RBFOX1: variants seen among roughly 807,000 people sequenced by gnomAD.
RBFOX1 encodes RNA binding protein fox-1 homolog 1.
Under a neutral mutation model 57.7 loss-of-function variants are expected in RBFOX1, and 8 were observed. The observed-to-expected ratio is 0.14, with a 90% CI of 0.08 to 0.25. RBFOX1 has a LOEUF of 0.25. Ranked by LOEUF, RBFOX1 falls within the 10% of genes least tolerant of loss-of-function variation. The pLI is 1.00. For missense variants in RBFOX1, 611 were observed against 548.5 expected (o/e 1.11, Z -1.14); for synonymous variants, 326 against 222.4 (o/e 1.47, Z -4.15).
chr16:7,648,202 A>G (rs763453295), intron 11 of RBFOX1, among the ~76,000 whole-genome samples: 15 of 152,244 alleles, frequency 9.9e-5, no homozygotes, highest in Middle Eastern at 3.4e-3. Flanking sequence ...TAAACCAACA[A>G]TTGAGGAAAA....
chr16:6,449,968 C>A (rs1378975726), intron 2 of RBFOX1, among the ~76,000 whole-genome samples: 1 of 152,176 alleles, frequency 6.6e-6, no homozygotes, highest in Non-Finnish European at 1.5e-5. Flanking sequence ...GAGCTGTGTG[C>A]ATGGAGTGGA....
intron 2 of RBFOX1, among the ~76,000 whole-genome samples, chr16:5,521,192 G>A (rs1272533005): frequency 2.6e-5 from 4 of 152,122 alleles, no homozygotes; most frequent in Non-Finnish European, 5.9e-5. Context: ...AGGAGTCACA[G>A]AGCTGGTTGA....
intron 2 of RBFOX1, among the ~76,000 whole-genome samples, chr16:6,631,713 G>C (rs912400250): frequency 3.3e-5 from 5 of 152,130 alleles, no homozygotes; most frequent in East Asian, 1.9e-4. Flanking sequence ...ATTGCTGGCT[G>C]GGGGAAGAGC....
intron 3 of RBFOX1, among the ~76,000 whole-genome samples, chr16:5,741,926 A>G (rs2052781952): frequency 6.6e-6 from 1 of 152,260 alleles, no homozygotes; most frequent in Non-Finnish European, 1.5e-5. Context: ...TAGTTCCAGT[A>G]TGTAGGGATG....
intron 1 of RBFOX1, among the ~76,000 whole-genome samples, chr16:6,034,363 GAA>G (rs1414703446): frequency 9.2e-6 from 1 of 108,236 alleles, no homozygotes; most frequent in Non-Finnish European, 1.9e-5. Flanking sequence ...AAAAAGAAAA[GAA>G]AAGAAAAGAA....
intron 14 of RBFOX1, among the ~76,000 whole-genome samples, chr16:7,687,349 ATAAAT>A (rs1182770084): frequency 6.6e-6 from 1 of 152,036 alleles, no homozygotes; most frequent in Non-Finnish European, 1.5e-5. Context: ...AAACTGAAAT[ATAAAT>A]TAGATTATGA....
At chr16:7,564,006 C>T (rs1460548024) in intron 5 of RBFOX1, among the ~76,000 whole-genome samples, 7 of 152,114 alleles carry the variant, frequency 4.6e-5, no homozygotes, top group Non-Finnish European at 7.3e-5. Context: ...AACAATGCTT[C>T]TTTAAGTGCA....
At chr16:6,030,630 A>G (rs1254257466) in intron 1 of RBFOX1, among the ~76,000 whole-genome samples, 1 of 152,232 alleles carries the variant, frequency 6.6e-6, no homozygotes, top group African/African-American at 2.4e-5. Flanking sequence ...ATTGAAAGGT[A>G]TACATAAATT....
intron 2 of RBFOX1, among the ~76,000 whole-genome samples, chr16:5,583,078 G>A (rs561734904): frequency 1.6e-4 from 25 of 152,330 alleles, no homozygotes; most frequent in African/African-American, 5.5e-4. Context: ...GCTAGGGAGA[G>A]GTTGAGCCTG....
At chr16:6,174,227 G>A (rs1192544231) in intron 1 of RBFOX1, among the ~76,000 whole-genome samples, 1 of 152,130 alleles carries the variant, frequency 6.6e-6, no homozygotes, top group African/African-American at 2.4e-5. Flanking sequence ...GTGGAGAGGA[G>A]GCAAGATCAA....
At chr16:5,661,874 C>T (rs558052901) in intron 3 of RBFOX1, among the ~76,000 whole-genome samples, 4 of 150,684 alleles carry the variant, frequency 2.7e-5, no homozygotes, top group African/African-American at 9.8e-5. Context: ...CAACCTCCAC[C>T]TCCTGGGGTC....
intron 2 of RBFOX1, among the ~76,000 whole-genome samples, chr16:6,431,683 G>C (rs983212170): frequency 6.6e-6 from 1 of 152,088 alleles, no homozygotes; most frequent in African/African-American, 2.4e-5. Context: ...GTCTGAATAT[G>C]ATGGGAAGCC....
At chr16:5,441,951 G>A (rs2068097965) in intron 1 of RBFOX1, among the ~76,000 whole-genome samples, 1 of 152,152 alleles carries the variant, frequency 6.6e-6, no homozygotes, top group Non-Finnish European at 1.5e-5. Flanking sequence ...TTCAAGATGA[G>A]ATTTGTGTGG....
At chr16:6,695,290 G>A (rs1328507152) in intron 3 of RBFOX1, among the ~76,000 whole-genome samples, 2 of 151,770 alleles carry the variant, frequency 1.3e-5, no homozygotes, top group Non-Finnish European at 2.9e-5. Context: ...GTGGTGGTGA[G>A]TGCCTGTAAT....
intron 3 of RBFOX1, among the ~76,000 whole-genome samples, chr16:7,005,277 G>C (rs2093198382): frequency 6.6e-6 from 1 of 152,146 alleles, no homozygotes; most frequent in Non-Finnish European, 1.5e-5. Context: ...AGAACCTAAA[G>C]ATACTTGCCT....
chr16:5,718,729 G>C (rs773742643), intron 3 of RBFOX1, among the ~76,000 whole-genome samples: 1 of 152,044 alleles, frequency 6.6e-6, no homozygotes. Flanking sequence ...CGACATGGTG[G>C]AATCCCATCT....
chr16:7,477,273 C>G (rs777173336), intron 4 of RBFOX1, among the ~76,000 whole-genome samples: 2 of 152,142 alleles, frequency 1.3e-5, no homozygotes, highest in African/African-American at 2.4e-5. Context: ...GGCAATGAGA[C>G]ACAGGCTTAT....
At chr16:5,857,455 G>A (rs920561284) in intron 3 of RBFOX1, among the ~76,000 whole-genome samples, 5 of 152,084 alleles carry the variant, frequency 3.3e-5, no homozygotes, top group African/African-American at 1.2e-4. Context: ...CAGGGTTGCC[G>A]TAAAGCTTTA....
chr16:5,258,224 A>T (rs191326016), intron 1 of RBFOX1, among the ~76,000 whole-genome samples: 2 of 152,148 alleles, frequency 1.3e-5, no homozygotes, highest in Non-Finnish European at 2.9e-5. Flanking sequence ...TTCAATATAC[A>T]TAAAAGTAGA....
Sources: gnomAD v4.1 joint callset for allele counts (sites outside exome capture counted in the v4.1 genomes callset) on GRCh38, gnomAD v4.1.1 for gene constraint, MANE v1.5 for transcripts, NCBI Gene and HGNC (gene_info 2026-07-23, HGNC 2026-07-21) for gene names.